Variants in ZBTB8B observed in about 807,000 individuals in gnomAD.
ZBTB8B encodes zinc finger and BTB domain-containing protein 8B.
ZBTB8B carries 17 observed loss-of-function variants against 30.3 expected under a neutral mutation model. That is an observed-to-expected ratio of 0.56 (90% CI 0.38 to 0.84). ZBTB8B has a LOEUF of 0.84. Among genes scored for constraint, ZBTB8B ranks in the 40% least tolerant of loss-of-function variants. The pLI is 0.00. For synonymous variants in ZBTB8B, 248 were observed against 255.6 expected (o/e 0.97, Z 0.28); for missense variants, 515 against 644.9 (o/e 0.80, Z 2.18).
chr1:32,471,190 TGA>T lies in ZBTB8B; in HGVS notation c.572_573del (p.Glu191ValfsTer5). 6.4e-7 allele frequency: 1 copy of T among 1,551,862 alleles called. No individual in the cohort carries two copies. Among genetic ancestry groups the T allele is most frequent in the Non-Finnish European group, 8.7e-7 (1 of 1,147,042 alleles). ...GAGGGAGAAAAGAGCGTGGAGTGCC[TGA>T]GAGAGTCCCCTTGCGGTGACTGCGG... On this transcript the variant is annotated frameshift_variant, in exon 2 of 4. Transcript: ENST00000609129. LOFTEE classifies it high-confidence loss of function.
intron 3 of ZBTB8B, among the ~76,000 whole-genome samples, chr1:32,481,840 T>C (rs1370040205): frequency 6.6e-6 from 1 of 152,196 alleles, no homozygotes; most frequent in East Asian, 1.9e-4. Context: ...CTCCCACTTA[T>C]AAGTGAGAAC....
At chr1:32,481,090 T>C (rs533136899) in intron 3 of ZBTB8B, 21 bp downstream of exon 3, 4 of 1,534,598 alleles carry the variant, frequency 2.6e-6, no homozygotes, top group East Asian at 4.9e-5. Context: ...GAGCTGGCCA[T>C]GCCCTTGTGG....
chr1:32,476,488 A>G (rs1401840948), intron 2 of ZBTB8B, among the ~76,000 whole-genome samples: 1 of 151,908 alleles, frequency 6.6e-6, no homozygotes, highest in African/African-American at 2.4e-5. Flanking sequence ...AGCTCCTGTC[A>G]TCTCTCATCC....
At position 32,470,785 on chromosome 1, in the gene ZBTB8B, T is replaced by TTA; in HGVS notation, c.162_163insAT (p.His55IlefsTer27). 1 of 1,551,842 alleles carries TTA rather than the reference T, an allele frequency of 6.4e-7. No individual in the cohort carries two copies. ...AGCGGCTACTTCCGAGCCCTGCTCATTCACTATATCCAGGACAGCGGGCGG... is the reference window on the plus strand; with the variant it reads ...AGCGGCTACTTCCGAGCCCTGCTCATTATCACTATATCCAGGACAGCGGGCGG... On this transcript the variant is annotated frameshift_variant, in exon 2 of 4. Coordinates refer to ENST00000609129, the MANE Select transcript of ZBTB8B (RefSeq NM_001145720.2). LOFTEE classifies it high-confidence loss of function.
intron 2 of ZBTB8B, among the ~76,000 whole-genome samples, chr1:32,475,409 C>G (rs1214101868): frequency 6.6e-6 from 1 of 152,000 alleles, no homozygotes; most frequent in South Asian, 2.1e-4. Flanking sequence ...TGGTGAAACC[C>G]GGTCTCTACT....
chr1:32,473,952 G>A (rs1470221730), intron 2 of ZBTB8B, among the ~76,000 whole-genome samples: 1 of 152,056 alleles, frequency 6.6e-6, no homozygotes, highest in South Asian at 2.1e-4. Flanking sequence ...CTGGGTTCAA[G>A]CGAGTCTCCT....
chr1:32,481,179 C>T, intron 3 of ZBTB8B, 110 bp downstream of exon 3: 1 of 1,072,258 alleles, frequency 9.3e-7, no homozygotes, highest in Non-Finnish European at 1.3e-6. Context: ...GGGGTATTTT[C>T]AGATAATTTC....
At chr1:32,481,850 C>A (rs1643707761) in intron 3 of ZBTB8B, among the ~76,000 whole-genome samples, 1 of 152,154 alleles carries the variant, frequency 6.6e-6, no homozygotes. Context: ...TAAGTGAGAA[C>A]ATGTTGTATT....
rs1192731936 is a variant in ZBTB8B, at chr1:32,491,047, TA to T, written c.*5630del. ...AATTCTTCATTGACAATTGTGGTTT[TA>T]GGGGGGGCAATTTTTATATCCATCA... On this transcript the variant is annotated 3_prime_UTR_variant, in exon 4 of 4. Coordinates refer to ENST00000609129, the MANE Select transcript of ZBTB8B (RefSeq NM_001145720.2). 2.0e-5 allele frequency: 3 copies of T among 152,200 alleles called. No individual in the cohort carries two copies. The highest frequency in any genetic ancestry group is 2.9e-5 in the Non-Finnish European group (2 of 68,044). The allele number at this position is 152,200 out of a possible 1,614,324, so 9.4% of individuals were successfully genotyped here. A position where few individuals can be genotyped will look rare whatever the true frequency, so the allele number is the denominator to read the frequency against.
rs961503996 is a variant in ZBTB8B at position 32,496,658 on chromosome 1, A to G, written c.*11240A>G. On this transcript the variant is annotated 3_prime_UTR_variant, in exon 4 of 4. Transcript: ENST00000609129. ...TTATATATAAAGAACTAAAATTACGAGAGAATAAATTCGTGGATATAATCT... is the reference window on the plus strand; with the variant it reads ...TTATATATAAAGAACTAAAATTACGGGAGAATAAATTCGTGGATATAATCT... 1 of 152,210 alleles carries G rather than the reference A, an allele frequency of 6.6e-6. No homozygotes were observed. Among genetic ancestry groups the G allele is most frequent in the African/African-American group, 2.4e-5 (1 of 41,448 alleles). The allele number at this position is 152,210 out of a possible 1,614,324, so 9.4% of individuals were successfully genotyped here.
intron 2 of ZBTB8B, among the ~76,000 whole-genome samples, chr1:32,473,698 T>C (rs932417838): frequency 9.2e-5 from 14 of 152,006 alleles, no homozygotes; most frequent in African/African-American, 3.4e-4. Context: ...ATGTTTGATT[T>C]ATAATAGAGA....
At chr1:32,470,547 T>C in intron 1 of ZBTB8B, 37 bp from the exon 2 acceptor site, 2 of 1,084,124 alleles carry the variant, frequency 1.8e-6, no homozygotes, top group Non-Finnish European at 2.5e-6. Context: ...TTGTAAAGGT[T>C]GGGATTTGTG....
At chr1:32,478,485 C>T (rs1643680347) in intron 2 of ZBTB8B, among the ~76,000 whole-genome samples, 1 of 152,106 alleles carries the variant, frequency 6.6e-6, no homozygotes, top group South Asian at 2.1e-4. Flanking sequence ...GTACTCCAGC[C>T]TGGGTGACAG....
intron 2 of ZBTB8B, among the ~76,000 whole-genome samples, chr1:32,480,163 T>C (rs1230474504): frequency 6.6e-6 from 1 of 152,124 alleles, no homozygotes; most frequent in East Asian, 1.9e-4. Flanking sequence ...TGTATCCTCA[T>C]AGTTCTAGAG....
intron 2 of ZBTB8B, among the ~76,000 whole-genome samples, chr1:32,478,047 A>T (rs1178382631): frequency 6.6e-6 from 1 of 151,010 alleles, no homozygotes; most frequent in African/African-American, 2.4e-5. Context: ...ACAAAAGCAA[A>T]ACTCCGTCTC....
intron 1 of ZBTB8B, among the ~76,000 whole-genome samples, chr1:32,467,573 G>A (rs1643581098): frequency 6.6e-6 from 1 of 151,948 alleles, no homozygotes; most frequent in Non-Finnish European, 1.5e-5. Context: ...TTTTAAACTT[G>A]GTTTATAGTT....
chr1:32,474,813 TA>T (rs776357061), intron 2 of ZBTB8B, among the ~76,000 whole-genome samples: 1 of 152,262 alleles, frequency 6.6e-6, no homozygotes, highest in Non-Finnish European at 1.5e-5. Context: ...ATGTAAGTAG[TA>T]AGTGGCCCAG....
At chr1:32,478,389 G>C (rs768472100) in intron 2 of ZBTB8B, among the ~76,000 whole-genome samples, 15 of 152,004 alleles carry the variant, frequency 9.9e-5, no homozygotes, top group Admixed American at 7.9e-4. Context: ...GTGTGCACCT[G>C]TAATCCGAGC....
intron 1 of ZBTB8B, among the ~76,000 whole-genome samples, chr1:32,466,603 G>A (rs917943625): frequency 1.3e-5 from 2 of 152,102 alleles, no homozygotes; most frequent in African/African-American, 2.4e-5. Context: ...CAGGATTGGG[G>A]AAAATTTTGA....
Sources: allele counts gnomAD v4.1 joint callset (sites outside exome capture counted in the v4.1 genomes callset), GRCh38; gene constraint gnomAD v4.1.1; transcripts MANE v1.5; gene names NCBI Gene and HGNC (gene_info 2026-07-23, HGNC 2026-07-21).